MGMT: variants seen among roughly 807,000 people sequenced by gnomAD.
MGMT encodes the protein methylated-DNA--protein-cysteine methyltransferase.
Under a neutral mutation model 15.9 loss-of-function variants are expected in MGMT, and 14 were observed. The ratio of observed to expected loss-of-function variants is 0.88; its 90% confidence interval spans 0.58 to 1.37. The LOEUF is 1.37. Ranked by LOEUF, MGMT falls within the 40% of genes most tolerant of loss-of-function variation. The probability of loss-of-function intolerance (pLI) is 0.00; values close to 1 mark genes in which losing one functional copy is unlikely to be tolerated. For missense variants in MGMT, 282 were observed against 268.1 expected (o/e 1.05, Z -0.36); for synonymous variants, 130 against 118.2 (o/e 1.10, Z -0.65).
At chr10:129,493,822 C>G (rs1361826306) in intron 1 of MGMT, among the ~76,000 whole-genome samples, 1 of 152,192 alleles carries the variant, frequency 6.6e-6, no homozygotes, top group African/African-American at 2.4e-5. Flanking sequence ...CTGCAATACT[C>G]TCTAGGGGAC....
intron 2 of MGMT, among the ~76,000 whole-genome samples, chr10:129,680,867 A>G (rs1847844237): frequency 6.6e-6 from 1 of 152,032 alleles, no homozygotes; most frequent in African/African-American, 2.4e-5. Flanking sequence ...ATGCCTCCCC[A>G]CAGGGGCCTT....
intron 2 of MGMT, among the ~76,000 whole-genome samples, chr10:129,691,478 G>C (rs1847969231): frequency 6.6e-6 from 1 of 152,248 alleles, no homozygotes; most frequent in Non-Finnish European, 1.5e-5. Context: ...AGTAAGAAGA[G>C]GGTGTTAGCT....
At chr10:129,578,106 A>T (rs1846507973) in intron 2 of MGMT, among the ~76,000 whole-genome samples, 1 of 152,222 alleles carries the variant, frequency 6.6e-6, no homozygotes, top group African/African-American at 2.4e-5. Context: ...TAGTTCAACC[A>T]TTGTGGAAAT....
chr10:129,574,057 T>G (rs768144523), intron 2 of MGMT, among the ~76,000 whole-genome samples: 1 of 152,214 alleles, frequency 6.6e-6, no homozygotes, highest in African/African-American at 2.4e-5. Context: ...TATATTCCTA[T>G]TAAGTTTAGG....
intron 1 of MGMT, among the ~76,000 whole-genome samples, chr10:129,480,500 A>G (rs1180332052): frequency 6.6e-6 from 1 of 152,218 alleles, no homozygotes; most frequent in Non-Finnish European, 1.5e-5. Flanking sequence ...ATTTGTTAAT[A>G]TCACCACCTT....
chr10:129,714,120 C>G (rs1367639791), intron 3 of MGMT, among the ~76,000 whole-genome samples: 1 of 152,248 alleles, frequency 6.6e-6, no homozygotes, highest in Admixed American at 6.5e-5. Flanking sequence ...CGCAGAGCCC[C>G]TAGGCGCCCC....
intron 3 of MGMT, among the ~76,000 whole-genome samples, chr10:129,739,578 C>T (rs1363233387): frequency 6.6e-6 from 1 of 152,132 alleles, no homozygotes; most frequent in Non-Finnish European, 1.5e-5. Flanking sequence ...AAATCAGAAC[C>T]AGGTCAGAGC....
At chr10:129,475,378 C>A (rs908282181) in intron 1 of MGMT, among the ~76,000 whole-genome samples, 1 of 152,126 alleles carries the variant, frequency 6.6e-6, no homozygotes, top group African/African-American at 2.4e-5. Context: ...GTGCGTGCCA[C>A]CCTCAGCACA....
At chr10:129,725,232 C>T (rs1393098393) in intron 3 of MGMT, among the ~76,000 whole-genome samples, 1 of 152,240 alleles carries the variant, frequency 6.6e-6, no homozygotes, top group Non-Finnish European at 1.5e-5. Flanking sequence ...GGAAGACACA[C>T]AGAATCCACA....
At chr10:129,547,130 G>A (rs995011524) in intron 2 of MGMT, among the ~76,000 whole-genome samples, 1 of 152,194 alleles carries the variant, frequency 6.6e-6, no homozygotes, top group African/African-American at 2.4e-5. Context: ...TCTAGACTGG[G>A]CCATGCTCTC....
At chr10:129,643,236 G>A (rs992450651) in intron 2 of MGMT, among the ~76,000 whole-genome samples, 3 of 152,150 alleles carry the variant, frequency 2.0e-5, no homozygotes, top group African/African-American at 7.2e-5. Context: ...GCTGTGGGGT[G>A]GGAGGAGGGC....
At chr10:129,655,550 A>G (rs1186230567) in intron 2 of MGMT, among the ~76,000 whole-genome samples, 1 of 152,170 alleles carries the variant, frequency 6.6e-6, no homozygotes, top group East Asian at 1.9e-4. Flanking sequence ...CCCTTGCAGG[A>G]GAGCTCTCGT....
intron 2 of MGMT, among the ~76,000 whole-genome samples, chr10:129,618,354 T>C (rs534515578): frequency 2.6e-5 from 4 of 152,208 alleles, no homozygotes; most frequent in Admixed American, 2.6e-4. Context: ...TGGACTCTGT[T>C]CTATCCATTT....
intron 2 of MGMT, among the ~76,000 whole-genome samples, chr10:129,669,525 T>C (rs1847697966): frequency 6.6e-6 from 1 of 152,230 alleles, no homozygotes; most frequent in Non-Finnish European, 1.5e-5. Flanking sequence ...AAAGCATTTA[T>C]AAAATTTTAT....
chr10:129,504,352 C>A (rs868510102), intron 1 of MGMT, among the ~76,000 whole-genome samples: 1 of 152,154 alleles, frequency 6.6e-6, no homozygotes, highest in African/African-American at 2.4e-5. Context: ...TGAAGTTCAC[C>A]TTTCCATTGA....
At chr10:129,633,368 C>T (rs867723825) in intron 2 of MGMT, among the ~76,000 whole-genome samples, 2 of 152,036 alleles carry the variant, frequency 1.3e-5, no homozygotes, top group Non-Finnish European at 2.9e-5. Flanking sequence ...TAAATGCTTC[C>T]GTTAAGTGAA....
intron 2 of MGMT, among the ~76,000 whole-genome samples, chr10:129,627,583 G>C (rs1403401016): frequency 6.6e-6 from 1 of 152,070 alleles, no homozygotes; most frequent in Non-Finnish European, 1.5e-5. Flanking sequence ...TATGAGACCT[G>C]TGCACTGAGG....
intron 3 of MGMT, among the ~76,000 whole-genome samples, chr10:129,747,791 G>A (rs1025445010): frequency 3.3e-5 from 5 of 152,138 alleles, no homozygotes; most frequent in African/African-American, 9.7e-5. Flanking sequence ...GCCCCTCTTG[G>A]CTGTGACAGG....
intron 2 of MGMT, among the ~76,000 whole-genome samples, chr10:129,649,892 T>A (rs376873362): frequency 6.6e-6 from 1 of 152,232 alleles, no homozygotes; most frequent in South Asian, 2.1e-4. Flanking sequence ...GAAGCAATTA[T>A]CATATTTAAA....
Sources: gnomAD v4.1 joint callset for allele counts (sites outside exome capture counted in the v4.1 genomes callset) on GRCh38, gnomAD v4.1.1 for gene constraint, MANE v1.5 for transcripts, NCBI Gene and HGNC (gene_info 2026-07-23, HGNC 2026-07-21) for gene names.